The following NTM variants were observed in gnomAD, a reference collection of about 807,000 sequenced individuals.
The protein encoded by NTM is neurotrimin, also known as IgLON family member 2.
NTM carries 13 observed loss-of-function variants against 42.1 expected under a neutral mutation model. The observed-to-expected ratio is 0.31, with a 90% CI of 0.20 to 0.49. The LOEUF (loss-of-function observed/expected upper bound fraction) is 0.49, where lower values mean the gene tolerates loss of function less well. Among genes scored for constraint, NTM ranks in the 20% least tolerant of loss-of-function variants. The probability of loss-of-function intolerance (pLI) is 0.99; values close to 1 mark genes in which losing one functional copy is unlikely to be tolerated. For synonymous variants in NTM, 187 were observed against 179.2 expected, an observed-to-expected ratio of 1.04 and a Z score of -0.35; for missense variants, 373 against 452.8, an observed-to-expected ratio of 0.82 and a Z score of 1.60.
At chr11:131,382,060 T>TA (rs546613308) in intron 1 of NTM, among the ~76,000 whole-genome samples, 226 of 152,336 alleles carry the variant, frequency 1.5e-3, no homozygotes, top group African/African-American at 5.2e-3. Context: ...AATAGTACTC[T>TA]AAATTTTTTC....
At chr11:131,849,992 T>C (rs1227109434) in intron 1 of NTM, among the ~76,000 whole-genome samples, 1 of 150,514 alleles carries the variant, frequency 6.6e-6, no homozygotes, top group African/African-American at 2.5e-5. Context: ...ATAATAATAA[T>C]AATAAGACCT....
chr11:131,408,686 G>A (rs944007577), intron 1 of NTM, among the ~76,000 whole-genome samples: 1 of 152,118 alleles, frequency 6.6e-6, no homozygotes, highest in Non-Finnish European at 1.5e-5. Context: ...CAAAGCTCCA[G>A]GATTTTTGGC....
In NTM at chr11:131,998,111, T is replaced by G. The variant is rs530213634; in HGVS notation, c.167+86463T>G. On this transcript the variant is annotated intron_variant, in intron 2 of 8. Transcript: ENST00000683400. ...TAGACTTTAAGACAGTGGGGCCACT[T>G]TTCATCTCAGGCCAGGCTGCTGCCT... Among the ~76,000 whole-genome samples, 61 of 152,246 alleles carry G rather than the reference T, an allele frequency of 4.0e-4. No individual in the cohort carries two copies. In the South Asian group the frequency reaches 0.012, roughly 31 times the overall value.
At chr11:132,038,193 G>A (rs1255348604) in intron 2 of NTM, among the ~76,000 whole-genome samples, 1 of 152,222 alleles carries the variant, frequency 6.6e-6, no homozygotes, top group Non-Finnish European at 1.5e-5. Context: ...CGACACAGGT[G>A]ACTGAAGGCA....
At chr11:132,033,213 G>A (rs1182404537) in intron 2 of NTM, among the ~76,000 whole-genome samples, 1 of 152,200 alleles carries the variant, frequency 6.6e-6, no homozygotes, top group Non-Finnish European at 1.5e-5. Flanking sequence ...CTCCGAAAGA[G>A]AAAGTAGCCC....
chr11:131,996,444 T>C (rs887054383), intron 2 of NTM, among the ~76,000 whole-genome samples: 2 of 152,212 alleles, frequency 1.3e-5, no homozygotes, highest in African/African-American at 4.8e-5. Flanking sequence ...CGCCTGCCAC[T>C]GTGCAGTTCC....
chr11:131,987,062 T>C (rs1211753789), intron 2 of NTM, among the ~76,000 whole-genome samples: 2 of 152,192 alleles, frequency 1.3e-5, no homozygotes, highest in Non-Finnish European at 2.9e-5. Context: ...CATTATTTCA[T>C]TTATTTTAAC....
At chr11:131,524,336 G>T (rs1565598836) in intron 1 of NTM, among the ~76,000 whole-genome samples, 1 of 152,200 alleles carries the variant, frequency 6.6e-6, no homozygotes, top group African/African-American at 2.4e-5. Flanking sequence ...GAAGGTGGGG[G>T]CTCTCGGTCC....
At chr11:131,925,757 G>A (rs2057861688) in intron 2 of NTM, among the ~76,000 whole-genome samples, 1 of 152,148 alleles carries the variant, frequency 6.6e-6, no homozygotes, top group Non-Finnish European at 1.5e-5. Context: ...AAAGGAGAAA[G>A]GAAGCTGTGG....
intron 3 of NTM, among the ~76,000 whole-genome samples, chr11:132,162,944 G>A (rs913509644): frequency 6.6e-6 from 1 of 152,092 alleles, no homozygotes; most frequent in Non-Finnish European, 1.5e-5. Context: ...GAAGACCACA[G>A]AGGGAAAAGG....
At chr11:131,794,623 T>TTCAA (rs2091338125) in intron 1 of NTM, 2 of 940,006 alleles carry the variant, frequency 2.1e-6, no homozygotes, top group Admixed American at 1.2e-4. Flanking sequence ...TGGATGAGTG[T>TTCAA]TGAATGAATG....
intron 1 of NTM, among the ~76,000 whole-genome samples, chr11:131,720,445 T>C (rs2078200765): frequency 6.6e-6 from 1 of 152,194 alleles, no homozygotes; most frequent in South Asian, 2.1e-4. Context: ...GCAACACACA[T>C]AGTTTAGAAG....
chr11:131,789,210 G>A (rs1166905097), intron 1 of NTM, among the ~76,000 whole-genome samples: 1 of 151,624 alleles, frequency 6.6e-6, no homozygotes, highest in African/African-American at 2.4e-5. Context: ...TCCTTTGTAA[G>A]TGACTGGTTC....
rs188807256 is a variant in NTM, at chr11:132,019,032, A to G, written c.167+107384A>G. Among the ~76,000 whole-genome samples the G allele has an allele frequency of 3.3e-5, 5 of 152,058 alleles. No individual in the cohort carries two copies. In the East Asian group the frequency reaches 7.7e-4, roughly 23 times the overall value. ...AATAGTATGGTCTTCTAATCTGTTC[A>G]TAGTCTGAAAACGTAGAGTCTTTAC... is the stretch of plus-strand genomic sequence containing the variant. On this transcript the variant is annotated intron_variant, in intron 2 of 8. Transcript: ENST00000683400.
rs1941047625 is a variant in NTM, at chr11:131,370,737, C to T, written c.-70C>T. ...TGCACAAGCTTGAGAGCAACACAAT[C>T]TATCAGGAAAGAAAGAAAGAAAAAA... On this transcript the variant is annotated 5_prime_UTR_variant, in exon 1 of 9. Coordinates refer to ENST00000683400, the MANE Select transcript of NTM (RefSeq NM_001352005.2). 1 of 1,310,290 alleles carries T rather than the reference C, an allele frequency of 7.6e-7. No individual in the cohort carries two copies. The highest frequency in any genetic ancestry group is 2.3e-5 in the East Asian group (1 of 43,404). The allele number at this position is 1,310,290 out of a possible 1,614,324, so 81.2% of individuals were successfully genotyped here. A position where few individuals can be genotyped will look rare whatever the true frequency, so the allele number is the denominator to read the frequency against.
Position 131,422,721 on chromosome 11 carries a change from G to A in NTM, c.82+51833G>A, listed in dbSNP as rs140294860. Among the ~76,000 whole-genome samples, 20 of 152,262 alleles carry A rather than the reference G, an allele frequency of 1.3e-4. No individual in the cohort carries two copies. In the East Asian group the frequency reaches 2.9e-3, roughly 22 times the overall value. ...AATGTATACCAGTATAAATCAAGAC[G>A]TCAGCATGCAGGAAGTCATTGCAGA... On this transcript the variant is annotated intron_variant, in intron 1 of 8. Coordinates refer to ENST00000683400, the MANE Select transcript of NTM (RefSeq NM_001352005.2).
intron 4 of NTM, 68 bp downstream of exon 4, chr11:132,212,215 G>T: frequency 1.5e-6 from 2 of 1,357,126 alleles, no homozygotes; most frequent in South Asian, 1.3e-5. Context: ...TTGGTAGGAG[G>T]TTATGGGTGC....
intron 1 of NTM, among the ~76,000 whole-genome samples, chr11:131,642,512 T>C (rs1023624025): frequency 6.6e-6 from 1 of 152,220 alleles, no homozygotes; most frequent in Non-Finnish European, 1.5e-5. Context: ...CTCACATCCC[T>C]GGAGCCCATA....
At chr11:132,264,239 C>T (rs984811571) in intron 4 of NTM, among the ~76,000 whole-genome samples, 5 of 152,292 alleles carry the variant, frequency 3.3e-5, no homozygotes, top group Non-Finnish European at 5.9e-5. Flanking sequence ...ATTCCAGTTA[C>T]TAGGGAAGCT....
Sources: gnomAD v4.1 joint callset for allele counts (sites outside exome capture counted in the v4.1 genomes callset) on GRCh38, gnomAD v4.1.1 for gene constraint, MANE v1.5 for transcripts, NCBI Gene and HGNC (gene_info 2026-07-23, HGNC 2026-07-21) for gene names.